Variants in TJP1 observed in about 807,000 individuals in gnomAD.
TJP1 encodes the protein tight junction protein ZO-1.
In TJP1, 43 loss-of-function variants were observed where a neutral mutation model predicts 194.2. The ratio of observed to expected loss-of-function variants is 0.22; its 90% CI spans 0.17 to 0.29. TJP1 has a LOEUF of 0.29. Among genes scored for constraint, TJP1 ranks in the 10% least tolerant of loss-of-function variants. The pLI, the probability that TJP1 is intolerant of heterozygous loss-of-function variation, is 1.00. For missense variants in TJP1, 1,971 were observed against 2,185.7 expected (o/e 0.90, Z 1.96); for synonymous variants, 801 against 779.0 (o/e 1.03, Z -0.47).
intron 1 of TJP1, among the ~76,000 whole-genome samples, chr15:29,803,029 G>A (rs1380096984): frequency 2.0e-5 from 3 of 152,132 alleles, no homozygotes; most frequent in East Asian, 1.9e-4. Flanking sequence ...GTAAAACAGC[G>A]TGTACATGGT....
chr15:29,770,548 C>T (rs938413243), intron 4 of TJP1, among the ~76,000 whole-genome samples: 43 of 151,484 alleles, frequency 2.8e-4, no homozygotes, highest in African/African-American at 9.2e-4. Flanking sequence ...ACCCTGTCTC[C>T]ACTAAAAATA....
chr15:29,861,554 T>C (rs879927235), intron 2 of TJP1, among the ~76,000 whole-genome samples: 13 of 152,238 alleles, frequency 8.5e-5, no homozygotes, highest in Non-Finnish European at 1.9e-4. Context: ...GATACTGGCA[T>C]CTTTTCATGT....
At position 29,751,788 on chromosome 15, in the gene TJP1, AG is replaced by A. The variant is rs1355411987; in HGVS notation, c.1011-9008del. Among the ~76,000 whole-genome samples, 3 of 152,348 alleles carry A rather than the reference AG, an allele frequency of 2.0e-5. No homozygotes were observed. In the South Asian group the frequency reaches 6.2e-4, roughly 32 times the overall value. ...CTCACATTTAAAAAATCTGCAAATA[AG>A]TTTTTTTGTATATTTACTATTTTAG... is the stretch of plus-strand genomic sequence containing the variant. On this transcript the variant is annotated intron_variant, in intron 8 of 27. Coordinates refer to ENST00000614355, the MANE Select transcript of TJP1 (RefSeq NM_001330239.4).
rs200654925 is a variant in TJP1, at chr15:29,708,569, T to G, written c.4840A>C (p.Ile1614Leu). Residue 1614 changes from isoleucine (I) to leucine (L), a missense_variant, in exon 25 of 28, where the codon ATT (isoleucine) becomes CTT (leucine). Ile to Leu is a conservative substitution (Grantham distance 5). Coordinates refer to ENST00000614355, the MANE Select transcript of TJP1 (RefSeq NM_001330239.4). ...INNISTVPKA[I>L]PVSPSAVEED... ...AGGCATAAGTCTTACCTCACAGGAA[T>G]AGCTTTAGGCACTGTGCTGATATTA... 1.2e-6 allele frequency: 2 copies of G among 1,605,734 alleles called. No individual in the cohort carries two copies. The highest frequency in any genetic ancestry group is 4.5e-5 in the East Asian group (2 of 44,642).
At chr15:29,728,794 G>C (rs187425374) in intron 15 of TJP1, 2 of 152,296 alleles carry the variant, frequency 1.3e-5, no homozygotes, top group African/African-American at 4.8e-5. Context: ...CAAGATAAAT[G>C]ATTTTGGAGA....
At chr15:29,803,161 T>C (rs2048897762) in intron 1 of TJP1, among the ~76,000 whole-genome samples, 1 of 152,192 alleles carries the variant, frequency 6.6e-6, no homozygotes, top group Non-Finnish European at 1.5e-5. Context: ...TCAGGTGTTT[T>C]ATCTTCCTGC....
intron 22 of TJP1, 55 bp from the exon 23 acceptor site, chr15:29,716,893 G>A (rs2042603330): frequency 1.4e-6 from 2 of 1,441,156 alleles, no homozygotes; most frequent in Non-Finnish European, 1.9e-6. Flanking sequence ...ATGTTATGAA[G>A]GAAGTAGAAT....
At chr15:29,832,327 T>C (rs2050862189) in intron 2 of TJP1, among the ~76,000 whole-genome samples, 1 of 151,710 alleles carries the variant, frequency 6.6e-6, no homozygotes, top group African/African-American at 2.4e-5. Flanking sequence ...GACATATGAG[T>C]GAGGGAATTG....
chr15:29,705,393 C>T (rs900984178), intron 26 of TJP1, 135 bp downstream of exon 26: 13 of 899,230 alleles, frequency 1.4e-5, no homozygotes, highest in Admixed American at 1.0e-4. Context: ...ACACCGTCCC[C>T]AGGGCACCCC....
intron 1 of TJP1, among the ~76,000 whole-genome samples, chr15:29,811,614 T>C (rs2049518974): frequency 6.6e-6 from 1 of 152,200 alleles, no homozygotes; most frequent in Admixed American, 6.5e-5. Context: ...TCAACTCTAT[T>C]GCCTAATCCA....
intron 18 of TJP1, among the ~76,000 whole-genome samples, chr15:29,721,667 G>A (rs1341047031): frequency 6.6e-6 from 1 of 152,212 alleles, no homozygotes; most frequent in Non-Finnish European, 1.5e-5. Flanking sequence ...GGTTGGAACA[G>A]TTTGGAGGGC....
At chr15:29,718,184 TATC>T (rs1398611043) in intron 21 of TJP1, 66 bp from the exon 22 acceptor site, 2 of 1,576,418 alleles carry the variant, frequency 1.3e-6, no homozygotes, top group African/African-American at 2.8e-5. Flanking sequence ...ACAGAATAGA[TATC>T]ATGTAATGGC....
chr15:29,762,754 A>G (rs935279345), intron 5 of TJP1, among the ~76,000 whole-genome samples: 1 of 152,148 alleles, frequency 6.6e-6, no homozygotes, highest in Admixed American at 6.5e-5. Context: ...CTAGCTCTTC[A>G]GAATGATTAA....
intron 27 of TJP1, 110 bp downstream of exon 27, chr15:29,704,052 G>C (rs1463875005): frequency 3.3e-6 from 4 of 1,208,596 alleles, no homozygotes; most frequent in Non-Finnish European, 4.6e-6. Context: ...CAAGGCCACA[G>C]GAACAGAGAT....
chr15:29,884,476 G>C (rs556253697), intron 2 of TJP1, among the ~76,000 whole-genome samples: 1 of 152,246 alleles, frequency 6.6e-6, no homozygotes, highest in East Asian at 1.9e-4. Flanking sequence ...TTTCAACAAA[G>C]AAACTCTTAC....
intron 2 of TJP1, among the ~76,000 whole-genome samples, chr15:29,913,393 G>C (rs896787225): frequency 6.6e-6 from 1 of 152,152 alleles, no homozygotes; most frequent in Non-Finnish European, 1.5e-5. Context: ...TGACCTACAA[G>C]GGTTTCTTAA....
chr15:29,723,980 A>G (rs2043088013), intron 18 of TJP1, among the ~76,000 whole-genome samples: 1 of 152,228 alleles, frequency 6.6e-6, no homozygotes, highest in Non-Finnish European at 1.5e-5. Flanking sequence ...CAGGAATCAG[A>G]AAGTATTTCT....
At chr15:29,947,501 C>T (rs2055324692) in intron 2 of TJP1, among the ~76,000 whole-genome samples, 1 of 152,156 alleles carries the variant, frequency 6.6e-6, no homozygotes, top group African/African-American at 2.4e-5. Flanking sequence ...GGAGGTCTGG[C>T]GGAGCAGACC....
chr15:29,716,580 C>G (rs748988396), intron 23 of TJP1, 31 bp downstream of exon 23: 1 of 1,508,750 alleles, frequency 6.6e-7, no homozygotes, highest in Non-Finnish European at 9.2e-7. Flanking sequence ...ATGCTGCATC[C>G]TATTTTTAAA....
Sources: gnomAD v4.1 joint callset for allele counts (sites outside exome capture counted in the v4.1 genomes callset) on GRCh38, gnomAD v4.1.1 for gene constraint, MANE v1.5 for transcripts, NCBI Gene and HGNC (gene_info 2026-07-23, HGNC 2026-07-21) for gene names.